Variants in UVRAG observed in about 807,000 individuals in gnomAD.
UVRAG encodes UV radiation resistance associated.
A neutral mutation model predicts 78.0 loss-of-function variants in UVRAG; 19 were observed. That is an observed-to-expected ratio of 0.24 (90% CI 0.17 to 0.36). The LOEUF (loss-of-function observed/expected upper bound fraction) is 0.36. Ranked by LOEUF, UVRAG falls within the 10% of genes least tolerant of loss-of-function variation. The pLI, the probability that UVRAG is intolerant of heterozygous loss-of-function variation, is 1.00. For missense variants in UVRAG, 740 were observed against 853.8 expected (o/e 0.87, Z 1.66); for synonymous variants, 323 against 324.6 (o/e 1.00, Z 0.05).
At chr11:75,969,192 G>A (rs1349214432) in intron 7 of UVRAG, among the ~76,000 whole-genome samples, 1 of 152,014 alleles carries the variant, frequency 6.6e-6, no homozygotes, top group Non-Finnish European at 1.5e-5. Context: ...TTTTGTCTCC[G>A]TGACTTTGAC....
chr11:75,891,509 C>T (rs1209180679), intron 5 of UVRAG, among the ~76,000 whole-genome samples: 1 of 152,172 alleles, frequency 6.6e-6, no homozygotes. Flanking sequence ...AAGAGCTTCA[C>T]ATCTATTATT....
At chr11:75,992,618 C>T (rs771857830) in intron 8 of UVRAG, among the ~76,000 whole-genome samples, 1 of 152,124 alleles carries the variant, frequency 6.6e-6, no homozygotes, top group Non-Finnish European at 1.5e-5. Context: ...CAGATAACCA[C>T]ATTTATTTAC....
intron 3 of UVRAG, among the ~76,000 whole-genome samples, chr11:75,862,523 G>A (rs1031966089): frequency 4.6e-5 from 7 of 151,948 alleles, no homozygotes; most frequent in African/African-American, 2.4e-5. Context: ...CCTCTTTTCC[G>A]CACTCATTGT....
At chr11:75,887,968 A>G (rs1947126818) in intron 4 of UVRAG, among the ~76,000 whole-genome samples, 1 of 152,210 alleles carries the variant, frequency 6.6e-6, no homozygotes, top group Non-Finnish European at 1.5e-5. Flanking sequence ...CTCATCTGAA[A>G]TAGAGTGGTT....
intron 13 of UVRAG, among the ~76,000 whole-genome samples, chr11:76,077,465 T>G (rs1420942761): frequency 3.9e-5 from 6 of 152,204 alleles, no homozygotes; most frequent in African/African-American, 1.4e-4. Flanking sequence ...CAGTTGGACA[T>G]TTTTTCCTTT....
chr11:76,110,485 C>T (rs2134457804), intron 13 of UVRAG, among the ~76,000 whole-genome samples: 1 of 152,200 alleles, frequency 6.6e-6, no homozygotes, highest in African/African-American at 2.4e-5. Context: ...TGTCGTGATG[C>T]CTCTCATTTC....
At chr11:75,915,903 A>G (rs1289485637) in intron 6 of UVRAG, among the ~76,000 whole-genome samples, 3 of 152,132 alleles carry the variant, frequency 2.0e-5, no homozygotes, top group Non-Finnish European at 4.4e-5. Flanking sequence ...TGTGGAGTGG[A>G]CCTGAGGGAT....
intron 1 of UVRAG, among the ~76,000 whole-genome samples, chr11:75,850,924 G>A (rs1946141656): frequency 1.3e-5 from 2 of 152,214 alleles, no homozygotes; most frequent in South Asian, 4.1e-4. Flanking sequence ...ATGTGCACGG[G>A]AAAAAGACCT....
rs992724429 is a variant in UVRAG, at chr11:76,007,691, A to G, written c.999+70A>G. 8 of 1,223,078 alleles carry G rather than the reference A, an allele frequency of 6.5e-6. No homozygotes were observed. In the Admixed American group the frequency reaches 1.1e-4, roughly 16 times the overall value. The allele number at this position is 1,223,078 out of a possible 1,614,324, so 75.8% of individuals were successfully genotyped here. A position where few individuals can be genotyped will look rare whatever the true frequency, so the allele number is the denominator to read the frequency against. ...GATTTCTGTATGACATTTCCTCTCAATGAAAAAACTCATTGCTTTAGGCTT... is the reference window on the plus strand; with the variant it reads ...GATTTCTGTATGACATTTCCTCTCAGTGAAAAAACTCATTGCTTTAGGCTT... On this transcript the variant is annotated intron_variant, in intron 10 of 14. Transcript: ENST00000356136.
chr11:75,908,151 C>G (rs1947658042), intron 5 of UVRAG, among the ~76,000 whole-genome samples: 1 of 152,148 alleles, frequency 6.6e-6, no homozygotes, highest in Non-Finnish European at 1.5e-5. Flanking sequence ...ACTCTAGGTA[C>G]CTCATATGAA....
chr11:76,071,627 G>A (rs776380198), intron 13 of UVRAG, among the ~76,000 whole-genome samples: 3 of 152,082 alleles, frequency 2.0e-5, no homozygotes, highest in Non-Finnish European at 4.4e-5. Context: ...TTAATGGATT[G>A]CAGGGAACTA....
At chr11:75,818,703 C>T (rs1945319953) in intron 1 of UVRAG, among the ~76,000 whole-genome samples, 1 of 151,928 alleles carries the variant, frequency 6.6e-6, no homozygotes, top group South Asian at 2.1e-4. Flanking sequence ...GGTCTGGAAC[C>T]CCTGTCCTTG....
chr11:75,948,065 G>A (rs371506597), intron 6 of UVRAG, among the ~76,000 whole-genome samples: 1 of 151,948 alleles, frequency 6.6e-6, no homozygotes, highest in African/African-American at 2.4e-5. Flanking sequence ...TATTTAAATC[G>A]CCCTGAGCTG....
At chr11:75,873,802 C>T (rs1005513989) in intron 3 of UVRAG, among the ~76,000 whole-genome samples, 7 of 152,142 alleles carry the variant, frequency 4.6e-5, no homozygotes, top group African/African-American at 1.7e-4. Flanking sequence ...AAATGATTGC[C>T]ATTACTCATG....
At chr11:75,835,820 A>T (rs761177274) in intron 1 of UVRAG, among the ~76,000 whole-genome samples, 1 of 152,158 alleles carries the variant, frequency 6.6e-6, no homozygotes, top group Non-Finnish European at 1.5e-5. Context: ...TAGGCCGGGC[A>T]TGGTGGCTCA....
chr11:76,142,681 A>G lies in UVRAG; in HGVS notation c.*1268A>G, dbSNP rs1431438722. 1 of 152,258 alleles carries G rather than the reference A, an allele frequency of 6.6e-6. No individual in the cohort carries two copies. The highest frequency in any genetic ancestry group is 1.5e-5 in the Non-Finnish European group (1 of 68,032). 9.4% of individuals were successfully genotyped at this position (152,258 alleles called of 1,614,324 possible). On this transcript the variant is annotated 3_prime_UTR_variant, in exon 15 of 15. Transcript: ENST00000356136. ...ACCTGATTTTTTTTTACCAGCTTGG[A>G]AATTCCTCTTGAACCTACGTCTCCA...
At chr11:75,941,854 C>G (rs1174154452) in intron 6 of UVRAG, among the ~76,000 whole-genome samples, 2 of 152,048 alleles carry the variant, frequency 1.3e-5, no homozygotes, top group Non-Finnish European at 2.9e-5. Flanking sequence ...CATTGGCTCT[C>G]TTATGATCAT....
At chr11:76,029,987 G>GCTCA (rs1285145028) in intron 12 of UVRAG, among the ~76,000 whole-genome samples, 2 of 152,128 alleles carry the variant, frequency 1.3e-5, no homozygotes, top group Non-Finnish European at 2.9e-5. Flanking sequence ...CTCTCTGAAG[G>GCTCA]CTCAGATGAT....
At chr11:75,953,964 A>G (rs2135178598) in intron 6 of UVRAG, among the ~76,000 whole-genome samples, 1 of 152,334 alleles carries the variant, frequency 6.6e-6, no homozygotes, top group Middle Eastern at 3.4e-3. Context: ...GATAGTTTGC[A>G]AAATCAAGAA....
Sources: allele counts gnomAD v4.1 joint callset (sites outside exome capture counted in the v4.1 genomes callset), GRCh38; gene constraint gnomAD v4.1.1; transcripts MANE v1.5; gene names NCBI Gene and HGNC (gene_info 2026-07-23, HGNC 2026-07-21).